GPHN: variants seen among roughly 807,000 people sequenced by gnomAD.
GPHN encodes the protein gephyrin.
GPHN carries 17 observed loss-of-function variants against 95.5 expected under a neutral mutation model. The ratio of observed to expected loss-of-function variants is 0.18; its 90% CI spans 0.12 to 0.27. The LOEUF (loss-of-function observed/expected upper bound fraction) is 0.27, where lower values mean the gene tolerates loss of function less well. Ranked by LOEUF, GPHN falls within the 10% of genes least tolerant of loss-of-function variation. GPHN has a pLI of 1.00. For missense variants in GPHN, 660 were observed against 978.1 expected, an observed-to-expected ratio of 0.67 and a Z score of 4.34; for synonymous variants, 320 against 322.5, an observed-to-expected ratio of 0.99 and a Z score of 0.08.
At chr14:66,626,826 G>A (rs1388854032) in intron 1 of GPHN, among the ~76,000 whole-genome samples, 1 of 152,032 alleles carries the variant, frequency 6.6e-6, no homozygotes, top group East Asian at 1.9e-4. Flanking sequence ...GTCTACTGGA[G>A]ATGAGATTCT....
chr14:67,568,245 C>T, the GPHN span, among the ~76,000 whole-genome samples: 39 of 152,218 alleles, frequency 2.6e-4, no homozygotes, highest in Non-Finnish European at 7.4e-5. Flanking sequence ...ACATATACAC[C>T]ATGGAATACC....
chr14:67,081,696 T>TTC (rs1448526116), intron 11 of GPHN, among the ~76,000 whole-genome samples: 2 of 152,206 alleles, frequency 1.3e-5, no homozygotes, highest in African/African-American at 4.8e-5. Context: ...AGAAGGGTTT[T>TTC]TCTGATGTTA....
At chr14:66,577,545 A>G (rs1051028204) in intron 1 of GPHN, among the ~76,000 whole-genome samples, 16 of 152,126 alleles carry the variant, frequency 1.1e-4, no homozygotes, top group Admixed American at 8.5e-4. Flanking sequence ...AGACATTATT[A>G]AATTATGGCA....
the GPHN span, among the ~76,000 whole-genome samples, chr14:67,538,271 T>C: frequency 2.4e-4 from 37 of 152,274 alleles, no homozygotes; most frequent in African/African-American, 8.2e-4. Context: ...AGAGGACAAT[T>C]GTAGATATTG....
At chr14:67,260,250 G>C in the GPHN span, among the ~76,000 whole-genome samples, 1 of 152,142 alleles carries the variant, frequency 6.6e-6, no homozygotes, top group Non-Finnish European at 1.5e-5. Context: ...CACCCTGACT[G>C]TGCCTGATCT....
chr14:66,940,046 C>T (rs1303100949), intron 8 of GPHN, among the ~76,000 whole-genome samples: 1 of 152,090 alleles, frequency 6.6e-6, no homozygotes, highest in African/African-American at 2.4e-5. Context: ...GTAAGAAAAA[C>T]TTTTACCCTT....
the GPHN span, among the ~76,000 whole-genome samples, chr14:67,518,456 A>T: frequency 6.6e-6 from 1 of 152,238 alleles, no homozygotes; most frequent in Non-Finnish European, 1.5e-5. Context: ...AGTATAATAC[A>T]CAGGTAATAA....
At chr14:67,097,203 A>G (rs1337431011) in intron 12 of GPHN, among the ~76,000 whole-genome samples, 1 of 152,176 alleles carries the variant, frequency 6.6e-6, no homozygotes, top group Non-Finnish European at 1.5e-5. Context: ...GATGCACGCA[A>G]CTCTTGAGGG....
At chr14:66,533,078 T>G (rs1244784707) in intron 1 of GPHN, among the ~76,000 whole-genome samples, 1 of 152,220 alleles carries the variant, frequency 6.6e-6, no homozygotes, top group African/African-American at 2.4e-5. Flanking sequence ...TCCCTAGCCA[T>G]CTATTTGTTA....
chr14:67,235,156 C>CAA, the GPHN span, among the ~76,000 whole-genome samples: 90 of 144,052 alleles, frequency 6.2e-4, 3 homozygotes, highest in East Asian at 0.011. Context: ...AACTCCGTCT[C>CAA]AAAAAAAAAA....
At chr14:67,082,092 G>A (rs527425798) in intron 11 of GPHN, among the ~76,000 whole-genome samples, 1 of 152,066 alleles carries the variant, frequency 6.6e-6, no homozygotes, top group East Asian at 1.9e-4. Context: ...CTCCTTTTTT[G>A]GTTTTATATG....
At chr14:66,754,120 AT>A (rs2058473163) in intron 2 of GPHN, among the ~76,000 whole-genome samples, 1 of 152,156 alleles carries the variant, frequency 6.6e-6, no homozygotes, top group South Asian at 2.1e-4. Flanking sequence ...GTTAATGGAT[AT>A]TTGAGTTTTC....
the GPHN span, among the ~76,000 whole-genome samples, chr14:67,457,132 T>C: frequency 6.0e-4 from 92 of 152,194 alleles, 1 homozygote; most frequent in African/African-American, 2.1e-3. Context: ...TACTTGAGGG[T>C]GGAGGGTAGG....
chr14:67,298,275 T>A, the GPHN span, among the ~76,000 whole-genome samples: 6 of 152,098 alleles, frequency 3.9e-5, no homozygotes, highest in African/African-American at 1.4e-4. Context: ...ATAGTTATAC[T>A]GTTACTAGGG....
the GPHN span, chr14:67,659,858 T>C: frequency 6.2e-6 from 10 of 1,614,218 alleles, no homozygotes; most frequent in Non-Finnish European, 8.5e-6. Flanking sequence ...GTTTCGAAGC[T>C]TAGACATCAT....
chr14:66,589,626 G>A (rs948360125), intron 1 of GPHN, among the ~76,000 whole-genome samples: 2 of 151,912 alleles, frequency 1.3e-5, no homozygotes, highest in Non-Finnish European at 2.9e-5. Context: ...TGCAACAAGA[G>A]CTAACTATCC....
chr14:67,111,942 A>G, intron 15 of GPHN, 23 bp downstream of exon 15: 1 of 1,567,900 alleles, frequency 6.4e-7, no homozygotes. Context: ...CACATAGAAT[A>G]TATAGCCTAC....
chr14:66,800,594 T>C (rs1158136697), intron 3 of GPHN, among the ~76,000 whole-genome samples: 2 of 152,066 alleles, frequency 1.3e-5, no homozygotes, highest in African/African-American at 4.8e-5. Context: ...TTTTTATTTT[T>C]CTCATGCTGC....
intron 5 of GPHN, among the ~76,000 whole-genome samples, chr14:66,897,946 T>C (rs2064940680): frequency 6.6e-6 from 1 of 152,134 alleles, no homozygotes; most frequent in Non-Finnish European, 1.5e-5. Flanking sequence ...ACTATTTTTA[T>C]TTTAGCCATT....
Sources: allele counts gnomAD v4.1 joint callset (sites outside exome capture counted in the v4.1 genomes callset), GRCh38; gene constraint gnomAD v4.1.1; transcripts MANE v1.5; gene names NCBI Gene and HGNC (gene_info 2026-07-23, HGNC 2026-07-21).